SMIM3: variants seen among roughly 807,000 people sequenced by gnomAD.
SMIM3 encodes the protein small integral membrane protein 3, also known as NGF-induced differentiation clone 67 protein.
SMIM3 carries 4 observed loss-of-function variants against 2.1 expected under a neutral mutation model. That is an observed-to-expected ratio of 1.89 (90% confidence interval 0.93 to 4.31). The LOEUF (loss-of-function observed/expected upper bound fraction) is 4.31. Among genes scored for constraint, SMIM3 ranks in the 30% most tolerant of loss-of-function variants. SMIM3 has a pLI of 0.01. For synonymous variants in SMIM3, 29 were observed against 30.8 expected (o/e 0.94, Z 0.19); for missense variants, 79 against 77.7 (o/e 1.02, Z -0.06).
chr5:150,782,193 A>G (rs1275922509), intron 1 of SMIM3, among the ~76,000 whole-genome samples: 2 of 152,168 alleles, frequency 1.3e-5, no homozygotes, highest in Non-Finnish European at 2.9e-5. Context: ...TGGTAGTTGT[A>G]TGTCCTGTCC....
At chr5:150,782,009 G>T (rs748252285) in intron 1 of SMIM3, among the ~76,000 whole-genome samples, 25 of 152,122 alleles carry the variant, frequency 1.6e-4, no homozygotes, top group Non-Finnish European at 2.9e-4. Flanking sequence ...GAAATATCTT[G>T]GTGTTTTTCC....
intron 1 of SMIM3, among the ~76,000 whole-genome samples, chr5:150,782,392 G>GAC (rs1753244826): frequency 6.6e-6 from 1 of 152,072 alleles, no homozygotes; most frequent in African/African-American, 2.4e-5. Flanking sequence ...CAGCCTCCCT[G>GAC]ACCTCTTCTA....
chr5:150,786,821 T>C (rs1450760771), intron 1 of SMIM3, among the ~76,000 whole-genome samples: 2 of 152,194 alleles, frequency 1.3e-5, no homozygotes, highest in African/African-American at 4.8e-5. Context: ...TCTTGATTAA[T>C]TTTGGTTATG....
intron 1 of SMIM3, among the ~76,000 whole-genome samples, chr5:150,785,133 G>A (rs1753277294): frequency 7.0e-6 from 1 of 143,214 alleles, no homozygotes; most frequent in Non-Finnish European, 1.5e-5. Flanking sequence ...TGTTGCCCAG[G>A]CTGGAGTGCA....
At chr5:150,786,202 G>A (rs1753292469) in intron 1 of SMIM3, among the ~76,000 whole-genome samples, 1 of 151,568 alleles carries the variant, frequency 6.6e-6, no homozygotes, top group Non-Finnish European at 1.5e-5. Flanking sequence ...TTTTACTATG[G>A]CTAATCTACT....
intron 1 of SMIM3, 91 bp from the exon 2 acceptor site, chr5:150,795,339 A>G (rs1184815158): frequency 1.5e-6 from 2 of 1,332,314 alleles, no homozygotes; most frequent in South Asian, 1.2e-5. Context: ...CTGGTAAGTG[A>G]CCCAGGCTTC....
At chr5:150,784,583 T>A (rs1753270951) in intron 1 of SMIM3, among the ~76,000 whole-genome samples, 1 of 152,218 alleles carries the variant, frequency 6.6e-6, no homozygotes, top group Non-Finnish European at 1.5e-5. Context: ...TTAGTAATAC[T>A]TTCTGCCTAA....
chr5:150,787,575 C>G (rs1056633334), intron 1 of SMIM3, among the ~76,000 whole-genome samples: 3 of 152,120 alleles, frequency 2.0e-5, no homozygotes, highest in Non-Finnish European at 4.4e-5. Flanking sequence ...AGTGCAGAAT[C>G]AGGATTCCTG....
At chr5:150,795,311 A>C (rs1266645770) in intron 1 of SMIM3, 119 bp from the exon 2 acceptor site, 3 of 1,007,912 alleles carry the variant, frequency 3.0e-6, no homozygotes, top group Non-Finnish European at 3.1e-6. Context: ...TAATCAGGGA[A>C]CCTTAAAGTT....
chr5:150,787,688 T>C (rs995985187), intron 1 of SMIM3, among the ~76,000 whole-genome samples: 4 of 152,186 alleles, frequency 2.6e-5, no homozygotes, highest in African/African-American at 7.2e-5. Context: ...TTTTGTGAAG[T>C]TTTAATAAGT....
At position 150,795,750 on chromosome 5, in the gene SMIM3, C is replaced by A; in HGVS notation, c.*127C>A. On this transcript the variant is annotated 3_prime_UTR_variant, in exon 2 of 2. Coordinates refer to ENST00000526627, the MANE Select transcript of SMIM3 (RefSeq NM_032947.5). ...CTGAGTTCTGGTTTTGATTCTGCCA[C>A]GAGCCAGCTGTGTGAATTTGGTCAA... 1 of 1,057,196 alleles carries A rather than the reference C, an allele frequency of 9.5e-7. No individual in the cohort carries two copies. Among genetic ancestry groups the A allele is most frequent in the Non-Finnish European group, 1.3e-6 (1 of 744,090 alleles). The allele number at this position is 1,057,196 out of a possible 1,614,324, so 65.5% of individuals were successfully genotyped here.
In SMIM3 at chr5:150,778,882, A is replaced by T; in HGVS notation, c.-102A>T. 1 of 497,670 alleles carries T rather than the reference A, an allele frequency of 2.0e-6. No homozygotes were observed. The highest frequency in any genetic ancestry group is 1.5e-5 in the South Asian group (1 of 66,406). The allele number at this position is 497,670 out of a possible 1,614,324, so 30.8% of individuals were successfully genotyped here. A position where few individuals can be genotyped will look rare whatever the true frequency, so the allele number is the denominator to read the frequency against. ...GGTTCCAGGCCTGGGGGTCGCTTCC[A>T]GCTGCCAGATCCCGTGCAGTCCTGG... On this transcript the variant is annotated 5_prime_UTR_variant, in exon 1 of 2. Coordinates refer to ENST00000526627, the MANE Select transcript of SMIM3 (RefSeq NM_032947.5).
rs1344211310 is a variant in SMIM3, at chr5:150,795,663, A to G, written c.*40A>G. ...GGCCGGGTGAGGGATGAGGACAGGC[A>G]TCCTATCCCCAGCCTCTTCCTGTCT... is the stretch of plus-strand genomic sequence containing the variant. On this transcript the variant is annotated 3_prime_UTR_variant, in exon 2 of 2. Transcript: ENST00000526627. The G allele has an allele frequency of 2.0e-6, 3 of 1,529,194 alleles. No homozygotes were observed. Among genetic ancestry groups the G allele is most frequent in the East Asian group, 2.4e-5 (1 of 40,910 alleles). 94.7% of individuals were successfully genotyped at this position (1,529,194 alleles called of 1,614,324 possible).
At position 150,788,641 on chromosome 5, in the gene SMIM3, AAAAAAAAAG is replaced by A. The variant is rs1362977326; in HGVS notation, c.-11-6773_-11-6765del. 8.6e-5 allele frequency among the ~76,000 whole-genome samples: 13 copies of A among 151,796 alleles called. 1 individual carries two copies. In the South Asian group the frequency reaches 1.9e-3, roughly 22 times the overall value. ...TGAGCGAGACTGTGTCTCAAAAAAA[AAAAAAAAAG>A]AAAAAAAAGAAAAAAGTTTTTTTCC... On this transcript the variant is annotated intron_variant, in intron 1 of 1. Coordinates refer to ENST00000526627, the MANE Select transcript of SMIM3 (RefSeq NM_032947.5).
chr5:150,780,518 C>T (rs938555207), intron 1 of SMIM3, among the ~76,000 whole-genome samples: 5 of 152,268 alleles, frequency 3.3e-5, no homozygotes, highest in African/African-American at 9.6e-5. Context: ...GTGACCTCTC[C>T]GAACCTCAGA....
At chr5:150,785,576 T>A (rs10463236) in intron 1 of SMIM3, among the ~76,000 whole-genome samples, 21,798 of 126,944 alleles carry the variant, frequency 0.17, 2,923 homozygotes, top group African/African-American at 0.41. Context: ...ACTATATTTC[T>A]TTTCTTTTTT....
chr5:150,779,547 AT>A (rs1325129868), intron 1 of SMIM3, among the ~76,000 whole-genome samples: 1 of 152,136 alleles, frequency 6.6e-6, no homozygotes, highest in Admixed American at 6.5e-5. Flanking sequence ...TTGGGAAAAC[AT>A]TTTCTGCGTG....
At chr5:150,784,044 G>A (rs573556307) in intron 1 of SMIM3, among the ~76,000 whole-genome samples, 14 of 149,870 alleles carry the variant, frequency 9.3e-5, no homozygotes, top group East Asian at 4.0e-4. Context: ...TCAGCCTCCC[G>A]AGTAGCTGGG....
At chr5:150,784,308 A>C (rs1200042593) in intron 1 of SMIM3, among the ~76,000 whole-genome samples, 2 of 152,056 alleles carry the variant, frequency 1.3e-5, no homozygotes, top group Non-Finnish European at 2.9e-5. Context: ...TATTATTTCC[A>C]TTTTACAAAT....
Sources: allele counts gnomAD v4.1 joint callset (sites outside exome capture counted in the v4.1 genomes callset), GRCh38; gene constraint gnomAD v4.1.1; transcripts MANE v1.5; gene names NCBI Gene and HGNC (gene_info 2026-07-23, HGNC 2026-07-21).